The following CTNNA2 variants were observed in gnomAD, a reference collection of about 807,000 sequenced individuals.
CTNNA2 encodes the protein catenin alpha 2.
CTNNA2 carries 42 observed loss-of-function variants against 101.0 expected under a neutral mutation model. The ratio of observed to expected loss-of-function variants is 0.42; its 90% CI spans 0.32 to 0.54. The LOEUF (loss-of-function observed/expected upper bound fraction) is 0.54. Ranked by LOEUF, CTNNA2 falls within the 20% of genes least tolerant of loss-of-function variation. The pLI, the probability that CTNNA2 is intolerant of heterozygous loss-of-function variation, is 0.14. For synonymous variants in CTNNA2, 450 were observed against 456.4 expected (o/e 0.99, Z 0.18); for missense variants, 871 against 1,223.1 (o/e 0.71, Z 4.29).
At chr2:79,224,809 A>T (rs1454186091) in intron 2 of CTNNA2, among the ~76,000 whole-genome samples, 2 of 150,768 alleles carry the variant, frequency 1.3e-5, no homozygotes, top group African/African-American at 4.8e-5. Context: ...ATAAATATTT[A>T]AATAAATATT....
chr2:79,993,693 G>A (rs1372561371), intron 7 of CTNNA2, among the ~76,000 whole-genome samples: 1 of 152,056 alleles, frequency 6.6e-6, no homozygotes, highest in African/African-American at 2.4e-5. Context: ...CCAGTTACTG[G>A]GGCAGACAGA....
At chr2:79,533,722 G>A (rs1672886352) in intron 1 of CTNNA2, among the ~76,000 whole-genome samples, 1 of 152,096 alleles carries the variant, frequency 6.6e-6, no homozygotes, top group Admixed American at 6.6e-5. Context: ...ATCAGGTTCT[G>A]TTTATAGGTA....
At chr2:79,534,398 TTG>T (rs1672928370) in intron 1 of CTNNA2, among the ~76,000 whole-genome samples, 1 of 152,136 alleles carries the variant, frequency 6.6e-6, no homozygotes, top group Admixed American at 6.5e-5. Flanking sequence ...TATGGCCATA[TTG>T]TTTGTTATAA....
At chr2:80,126,651 C>T (rs999059654) in intron 7 of CTNNA2, among the ~76,000 whole-genome samples, 10 of 119,738 alleles carry the variant, frequency 8.4e-5, no homozygotes, top group African/African-American at 3.1e-4. Context: ...TTCCTTCCTT[C>T]CTTCCTTCCT....
At chr2:80,301,616 C>G (rs886990883) in intron 7 of CTNNA2, among the ~76,000 whole-genome samples, 22 of 152,326 alleles carry the variant, frequency 1.4e-4, no homozygotes, top group Admixed American at 4.6e-4. Flanking sequence ...TTAGATTGCA[C>G]TGTCCCTGCC....
intron 7 of CTNNA2, among the ~76,000 whole-genome samples, chr2:80,341,433 T>G (rs929931236): frequency 1.9e-5 from 2 of 107,986 alleles, no homozygotes; most frequent in African/African-American, 5.3e-5. Context: ...AGACTAAATA[T>G]TTTTTATTAT....
chr2:80,315,942 C>T lies in CTNNA2; in HGVS notation c.1057-77269C>T, dbSNP rs115889074. On this transcript the variant is annotated intron_variant, in intron 7 of 18. Transcript: ENST00000402739. ...AGAAATGCAGAATCTCAGGCCCCAC[C>T]CAAGACCCACTGTAACAAATCGGAA... Among the ~76,000 whole-genome samples, 779 of 152,260 alleles carry T rather than the reference C, an allele frequency of 5.1e-3. 3 individuals are homozygous for T. The highest frequency in any genetic ancestry group is 7.8e-3 in the Non-Finnish European group (531 of 68,030).
intron 4 of CTNNA2, among the ~76,000 whole-genome samples, chr2:79,412,718 C>G (rs899016761): frequency 6.6e-6 from 1 of 151,978 alleles, no homozygotes; most frequent in Non-Finnish European, 1.5e-5. Context: ...ACACAGCATA[C>G]CAGAATCTCT....
At chr2:79,811,076 A>G (rs1396090956) in intron 3 of CTNNA2, among the ~76,000 whole-genome samples, 1 of 150,580 alleles carries the variant, frequency 6.6e-6, no homozygotes, top group Non-Finnish European at 1.5e-5. Flanking sequence ...TGGTATTTCT[A>G]GTTCTAGATC....
In CTNNA2 at chr2:79,605,309, A is replaced by C. The variant is rs550183808; in HGVS notation, c.-5-46243A>C. 3.3e-5 allele frequency among the ~76,000 whole-genome samples: 5 copies of C among 152,312 alleles called. No homozygotes were observed. In the East Asian group the frequency reaches 9.7e-4, roughly 29 times the overall value. On this transcript the variant is annotated intron_variant, in intron 1 of 18. Coordinates refer to ENST00000402739, the MANE Select transcript of CTNNA2 (RefSeq NM_001282597.3). Reference sequence around the variant, plus strand: ...ATAAAAACATCATGATGGAGCAGAAAAAAAATCCAAACCTTTGAAAAGAGC... The same window carrying C: ...ATAAAAACATCATGATGGAGCAGAACAAAAATCCAAACCTTTGAAAAGAGC...
At chr2:79,266,642 G>C (rs1042944140) in intron 2 of CTNNA2, among the ~76,000 whole-genome samples, 1 of 152,076 alleles carries the variant, frequency 6.6e-6, no homozygotes, top group Non-Finnish European at 1.5e-5. Context: ...CTCGGTGGTG[G>C]TGGTAAGTGA....
intron 6 of CTNNA2, among the ~76,000 whole-genome samples, chr2:79,899,350 C>A (rs1684925797): frequency 6.6e-6 from 1 of 152,094 alleles, no homozygotes; most frequent in Admixed American, 6.5e-5. Context: ...CTTGTCGGAG[C>A]TAGAGAATGT....
At chr2:80,189,245 C>A (rs753845294) in intron 7 of CTNNA2, among the ~76,000 whole-genome samples, 1 of 152,156 alleles carries the variant, frequency 6.6e-6, no homozygotes, top group Non-Finnish European at 1.5e-5. Flanking sequence ...TGAGCCACTG[C>A]ACCTGGCCTG....
chr2:80,288,205 C>T (rs531795208), intron 7 of CTNNA2: 1 of 152,236 alleles, frequency 6.6e-6, no homozygotes. Context: ...TTGAAAACCT[C>T]CAAGCGATCA....
At chr2:80,124,033 C>T (rs961126648) in intron 7 of CTNNA2, among the ~76,000 whole-genome samples, 4 of 152,136 alleles carry the variant, frequency 2.6e-5, no homozygotes, top group Admixed American at 1.3e-4. Context: ...GCTAGAAAGG[C>T]AAGGAAGCAG....
In CTNNA2 at chr2:79,914,889, AACATATAT is replaced by A. The variant is rs769949346; in HGVS notation, c.1056+5099_1056+5106del. Reference sequence around the variant, plus strand: ...GCACATGAAGACATATTGATATGGGAACATATATACATATTACAAGTGTTTGAAGCATT... The same window carrying A: ...GCACATGAAGACATATTGATATGGGAACATATTACAAGTGTTTGAAGCATT... On this transcript the variant is annotated intron_variant, in intron 7 of 18. Transcript: ENST00000402739. Among the ~76,000 whole-genome samples the A allele has an allele frequency of 4.6e-5, 7 of 152,262 alleles. No homozygotes were observed. In the East Asian group the frequency reaches 1.2e-3, roughly 25 times the overall value.
chr2:80,226,852 G>A (rs1047058214), intron 7 of CTNNA2, among the ~76,000 whole-genome samples: 4 of 151,992 alleles, frequency 2.6e-5, no homozygotes, highest in Non-Finnish European at 4.4e-5. Context: ...TTCCCCTCCA[G>A]CTCATCTCCA....
intron 1 of CTNNA2, among the ~76,000 whole-genome samples, chr2:79,577,935 A>T (rs1216860926): frequency 1.3e-5 from 2 of 152,214 alleles, no homozygotes; most frequent in Non-Finnish European, 2.9e-5. Context: ...TTATAAATTC[A>T]TTTGATAACT....
chr2:80,373,230 G>A (rs1203338185), intron 7 of CTNNA2, among the ~76,000 whole-genome samples: 1 of 152,054 alleles, frequency 6.6e-6, no homozygotes, highest in East Asian at 1.9e-4. Context: ...TTAGTGGAGT[G>A]AATGAATCAG....
Sources: gnomAD v4.1 joint callset for allele counts (sites outside exome capture counted in the v4.1 genomes callset) on GRCh38, gnomAD v4.1.1 for gene constraint, MANE v1.5 for transcripts, NCBI Gene and HGNC (gene_info 2026-07-23, HGNC 2026-07-21) for gene names.